The following HSPH1 variants were observed in gnomAD, a reference collection of about 807,000 sequenced individuals.
HSPH1 encodes the protein heat shock protein 105 kDa.
HSPH1 carries 40 observed loss-of-function variants against 100.0 expected under a neutral mutation model. That is an observed-to-expected ratio of 0.40 (90% confidence interval 0.31 to 0.52). The LOEUF (loss-of-function observed/expected upper bound fraction) is 0.52, where lower values mean the gene tolerates loss of function less well. Among genes scored for constraint, HSPH1 ranks in the 20% least tolerant of loss-of-function variants. The pLI is 0.54. For missense variants in HSPH1, 876 were observed against 1,015.1 expected (o/e 0.86, Z 1.86); for synonymous variants, 403 against 344.0 (o/e 1.17, Z -1.90).
intron 3 of HSPH1, 42 bp downstream of exon 3, chr13:31,155,472 T>C (rs889521596): frequency 4.7e-6 from 7 of 1,496,824 alleles, no homozygotes; most frequent in African/African-American, 2.8e-5. Flanking sequence ...TTTTTAAGTA[T>C]TAATAAGTTG....
At chr13:31,152,729 G>C (rs925911409) in intron 5 of HSPH1, 123 bp downstream of exon 5, 1 of 658,834 alleles carries the variant, frequency 1.5e-6, no homozygotes, top group Non-Finnish European at 2.7e-6. Context: ...GTAGACTTTT[G>C]TTTTCAAATC....
intron 4 of HSPH1, 42 bp downstream of exon 4, chr13:31,154,591 A>G: frequency 6.2e-7 from 1 of 1,612,486 alleles, no homozygotes; most frequent in Non-Finnish European, 8.5e-7. Flanking sequence ...CAAAGAACGC[A>G]AAAATGAAAT....
chr13:31,147,162 A>G (rs1566003024), intron 10 of HSPH1, among the ~76,000 whole-genome samples: 1 of 152,202 alleles, frequency 6.6e-6, no homozygotes. Flanking sequence ...TCTTCCACAC[A>G]GTAACGAGTT....
At chr13:31,154,889 G>T in intron 3 of HSPH1, 134 bp from the exon 4 acceptor site, 1 of 704,982 alleles carries the variant, frequency 1.4e-6, no homozygotes, top group Non-Finnish European at 2.2e-6. Flanking sequence ...TTGGGAAGAA[G>T]GAAGAAAAGG....
Position 31,150,935 on chromosome 13 carries a change from T to C in HSPH1, c.908+12A>G. 6.2e-7 allele frequency: 1 copy of C among 1,604,552 alleles called. No homozygotes were observed. The highest frequency in any genetic ancestry group is 8.5e-7 in the Non-Finnish European group (1 of 1,175,604). On this transcript the variant is annotated intron_variant, in intron 7 of 17. Coordinates refer to ENST00000320027, the MANE Select transcript of HSPH1 (RefSeq NM_006644.4). The stretch of plus-strand genomic sequence containing the variant: ...AGTTCCATCTATTTAATCTGTAGAA[T>C]TCAAGACACACCTGTTCATCTTTCC...
rs929968696 is a variant in HSPH1, at chr13:31,138,598, G to A, written c.2209-30C>T. 7 of 1,582,926 alleles carry A rather than the reference G, an allele frequency of 4.4e-6. No individual in the cohort carries two copies. In the African/African-American group the frequency reaches 6.8e-5, roughly 15 times the overall value. ...ACAAAAATAACACGGTCATTCTGTA[G>A]AATTTATTGAACAATAGTATCTCAT... On this transcript the variant is annotated intron_variant, in intron 16 of 17. Transcript: ENST00000320027.
At chr13:31,152,771 T>C (rs1956532700) in intron 5 of HSPH1, 81 bp downstream of exon 5, 1 of 959,502 alleles carries the variant, frequency 1.0e-6, no homozygotes, top group Non-Finnish European at 1.7e-6. Flanking sequence ...TGTGTTTCTG[T>C]ATCTATAAGA....
At chr13:31,142,152 AAACGG>A (rs1241351343) in intron 12 of HSPH1, among the ~76,000 whole-genome samples, 16 of 152,134 alleles carry the variant, frequency 1.1e-4, no homozygotes, top group African/African-American at 3.6e-4. Flanking sequence ...TAGGATGGTA[AAACGG>A]GAAGAGACTG....
At chr13:31,158,245 A>G (rs898616354) in intron 2 of HSPH1, among the ~76,000 whole-genome samples, 1 of 152,174 alleles carries the variant, frequency 6.6e-6, no homozygotes, top group Admixed American at 6.5e-5. Flanking sequence ...AAGGCAGCAA[A>G]AAGTTACTAA....
In HSPH1 at chr13:31,150,958, T is replaced by C. The variant is rs779824270; in HGVS notation, c.897A>G (p.Gly299=). Residue 299 remains glycine (G), a synonymous_variant, in exon 7 of 18, where the codon GGA becomes GGG. Transcript: ENST00000320027. ...AATTCAAGACACACCTGTTCATCTT[T>C]CCGGAAACATCTTTATCATTCATAA... ...ECFMNDKDVS[G]KMNRSQFEEL... is the part of the protein sequence containing the mutation. 2.3e-4 allele frequency: 376 copies of C among 1,609,902 alleles called. No homozygotes were observed. In the Middle Eastern group the frequency reaches 4.3e-3, roughly 18 times the overall value.
At chr13:31,162,101 G>A (rs1473249147), upstream of HSPH1, 2 of 1,535,848 alleles carry the variant, frequency 1.3e-6, no homozygotes, top group African/African-American at 2.7e-5. Context: ...CCATGGCAGC[G>A]ACAGGGCCGC....
Position 31,150,927 on chromosome 13 carries a change from C to A in HSPH1, c.908+20G>T. On this transcript the variant is annotated intron_variant, in intron 7 of 17. Coordinates refer to ENST00000320027, the MANE Select transcript of HSPH1 (RefSeq NM_006644.4). Reference sequence around the variant, plus strand: ...TCAAAAGAAGTTCCATCTATTTAATCTGTAGAATTCAAGACACACCTGTTC... The same window carrying A: ...TCAAAAGAAGTTCCATCTATTTAATATGTAGAATTCAAGACACACCTGTTC... 1 of 1,595,392 alleles carries A rather than the reference C, an allele frequency of 6.3e-7. No individual in the cohort carries two copies. Among genetic ancestry groups the A allele is most frequent in the South Asian group, 1.1e-5 (1 of 88,256 alleles).
chr13:31,161,888 C>A lies in HSPH1; in HGVS notation c.-306G>T, dbSNP rs1241652750. The A allele has an allele frequency of 3.4e-6, 5 of 1,492,250 alleles. No individual in the cohort carries two copies. The highest frequency in any genetic ancestry group is 4.3e-5 in the Admixed American group (2 of 46,610). The allele number at this position is 1,492,250 out of a possible 1,614,324, so 92.4% of individuals were successfully genotyped here. ...GCCGCGGCTCGCACACCGGCGCCGGCGCTGAACTACCGACCCAAAAGGGGA... is the reference window on the plus strand; with the variant it reads ...GCCGCGGCTCGCACACCGGCGCCGGAGCTGAACTACCGACCCAAAAGGGGA... On this transcript the variant is annotated 5_prime_UTR_variant, in exon 1 of 18. Coordinates refer to ENST00000320027, the MANE Select transcript of HSPH1 (RefSeq NM_006644.4).
At chr13:31,160,889 G>A (rs558370493) in intron 1 of HSPH1, among the ~76,000 whole-genome samples, 69 of 152,208 alleles carry the variant, frequency 4.5e-4, no homozygotes, top group Non-Finnish European at 9.6e-4. Flanking sequence ...ATCTTTCATA[G>A]GACTGCTTCC....
At chr13:31,154,580 A>G in intron 4 of HSPH1, 53 bp downstream of exon 4, 1 of 1,606,452 alleles carries the variant, frequency 6.2e-7, no homozygotes, top group Non-Finnish European at 8.5e-7. Flanking sequence ...TAAAAGTAAT[A>G]CAAAGAACGC....
rs149609479 is a variant in HSPH1 at position 31,141,249 on chromosome 13, T to G, written c.1727A>C (p.Lys576Thr). The G allele has an allele frequency of 1.2e-6, 2 of 1,603,888 alleles. 1 individual carries two copies. The highest frequency in any genetic ancestry group is 2.3e-5 in the South Asian group (2 of 88,144). ...AGCTTCTGGAGGCTGGTCAACTTTT[T>G]TTTCATTTGCCTTGGGAAGAGGAAT... Reference protein sequence around the residue: ...KIPDADKANEKKVDQPPEAKK... With the variant: ...KIPDADKANETKVDQPPEAKK... Residue 576 changes from lysine to threonine, a missense_variant, in exon 13 of 18, where the codon AAA becomes ACA. Lys to Thr is a moderately conservative substitution (Grantham distance 78). Coordinates refer to ENST00000320027, the MANE Select transcript of HSPH1 (RefSeq NM_006644.4).
rs1443114857 is a variant in HSPH1, at chr13:31,136,170, A to G, written c.*1148T>C. 6.6e-6 allele frequency: 1 copy of G among 152,242 alleles called. No homozygotes were observed. The highest frequency in any genetic ancestry group is 1.5e-5 in the Non-Finnish European group (1 of 68,036). The allele number at this position is 152,242 out of a possible 1,614,324, so 9.4% of individuals were successfully genotyped here. A position where few individuals can be genotyped will look rare whatever the true frequency, so the allele number is the denominator to read the frequency against. On this transcript the variant is annotated 3_prime_UTR_variant, in exon 18 of 18. Coordinates refer to ENST00000320027, the MANE Select transcript of HSPH1 (RefSeq NM_006644.4). ...TGCAGCATTATTTAGAACAGCAAAA[A>G]TGAGAAACACCTAAATCTACCAATA...
chr13:31,149,961 G>A lies in HSPH1; in HGVS notation c.1130C>T (p.Ala377Val), dbSNP rs778457865. 3.1e-6 allele frequency: 5 copies of A among 1,612,462 alleles called. No individual in the cohort carries two copies. The South Asian group carries it at 4.4e-5, about 14-fold the overall frequency. Residue 377 changes from alanine (A) to valine (V), a missense_variant, in exon 8 of 18, where the codon GCA becomes GTA. Ala to Val is a moderately conservative substitution (Grantham distance 64, BLOSUM62 0). Transcript: ENST00000320027. ...GCAGAGTTGAGAAAGTACCTGTAAT[G>A]CACATCCTCTGGCTACTGCTTCATC... is the stretch of plus-strand genomic sequence containing the variant. ...NADEAVARGCALQCAILSPAF... is the reference protein window; with the variant it reads ...NADEAVARGCVLQCAILSPAF...
intron 14 of HSPH1, 118 bp downstream of exon 14, chr13:31,140,064 TTC>T: frequency 1.0e-6 from 1 of 997,172 alleles, no homozygotes; most frequent in Admixed American, 2.5e-5. Context: ...TAACTTTGTT[TTC>T]TGTTTCTAAA....
Sources: allele counts gnomAD v4.1 joint callset (sites outside exome capture counted in the v4.1 genomes callset), GRCh38; gene constraint gnomAD v4.1.1; transcripts MANE v1.5; gene names NCBI Gene and HGNC (gene_info 2026-07-23, HGNC 2026-07-21).